CNTN4: variants seen among roughly 807,000 people sequenced by gnomAD.
CNTN4 encodes the protein contactin-4.
A neutral mutation model predicts 122.5 loss-of-function variants in CNTN4; 77 were observed. The observed-to-expected ratio is 0.63, with a 90% CI of 0.52 to 0.76. The LOEUF is 0.76. CNTN4 is among the 30% of genes least tolerant of loss of function. CNTN4 has a pLI of 0.00. For synonymous variants in CNTN4, 512 were observed against 447.0 expected (o/e 1.15, Z -1.83); for missense variants, 1,256 against 1,259.1 (o/e 1.00, Z 0.04).
intron 2 of CNTN4, among the ~76,000 whole-genome samples, chr3:2,183,473 T>G (rs533861561): frequency 6.6e-6 from 1 of 152,300 alleles, no homozygotes; most frequent in Admixed American, 6.5e-5. Flanking sequence ...TTGGGGCTCA[T>G]TTTTTGCCCA....
chr3:2,877,318 A>T (rs758445621), intron 8 of CNTN4, among the ~76,000 whole-genome samples: 11 of 152,232 alleles, frequency 7.2e-5, no homozygotes, highest in South Asian at 2.1e-4. Context: ...TATTAATACA[A>T]CTAAGCCCCT....
intron 3 of CNTN4, among the ~76,000 whole-genome samples, chr3:2,498,194 A>G (rs2076503012): frequency 6.6e-6 from 1 of 152,196 alleles, no homozygotes; most frequent in Non-Finnish European, 1.5e-5. Context: ...GAGTATGAAT[A>G]TATATGGATT....
chr3:2,707,500 G>A (rs1443791024), intron 4 of CNTN4, among the ~76,000 whole-genome samples: 2 of 152,156 alleles, frequency 1.3e-5, no homozygotes, highest in Non-Finnish European at 2.9e-5. Context: ...AGAGCCAGGT[G>A]TACATCTGCT....
At chr3:2,276,285 G>T (rs1287475749) in intron 2 of CNTN4, among the ~76,000 whole-genome samples, 1 of 151,892 alleles carries the variant, frequency 6.6e-6, no homozygotes, top group Non-Finnish European at 1.5e-5. Context: ...TGATTCTCCT[G>T]CCTCAGCCTC....
At chr3:2,782,378 T>C (rs1187875961) in intron 6 of CNTN4, among the ~76,000 whole-genome samples, 1 of 151,940 alleles carries the variant, frequency 6.6e-6, no homozygotes, top group Non-Finnish European at 1.5e-5. Flanking sequence ...CCTTCCATGA[T>C]TGCATCTTTT....
chr3:2,241,002 A>T (rs1055880407), intron 2 of CNTN4, among the ~76,000 whole-genome samples: 1 of 152,188 alleles, frequency 6.6e-6, no homozygotes, highest in Non-Finnish European at 1.5e-5. Flanking sequence ...ATTAGTAAAA[A>T]TATATTTTTA....
At chr3:2,408,337 G>A (rs2047110882) in intron 3 of CNTN4, among the ~76,000 whole-genome samples, 2 of 152,078 alleles carry the variant, frequency 1.3e-5, no homozygotes, top group South Asian at 2.1e-4. Context: ...CCTGTCTGCC[G>A]CCTTCAACCA....
At chr3:2,795,587 C>A (rs1197348540) in intron 6 of CNTN4, among the ~76,000 whole-genome samples, 1 of 148,860 alleles carries the variant, frequency 6.7e-6, no homozygotes, top group Non-Finnish European at 1.5e-5. Flanking sequence ...GTGGTGCCAT[C>A]TCGGCTCAGT....
At chr3:2,315,370 C>A (rs1203185496) in intron 2 of CNTN4, among the ~76,000 whole-genome samples, 1 of 151,996 alleles carries the variant, frequency 6.6e-6, no homozygotes, top group African/African-American at 2.4e-5. Context: ...AACATGTATT[C>A]ATCAGTTTCC....
intron 4 of CNTN4, among the ~76,000 whole-genome samples, chr3:2,683,293 C>A (rs939363017): frequency 6.6e-6 from 1 of 151,414 alleles, no homozygotes; most frequent in African/African-American, 2.4e-5. Flanking sequence ...TTGATAGACC[C>A]TGCCCAAATC....
chr3:2,138,181 C>T (rs1193404641), intron 2 of CNTN4, among the ~76,000 whole-genome samples: 2 of 151,986 alleles, frequency 1.3e-5, no homozygotes, highest in East Asian at 3.9e-4. Context: ...ATTCTCCTGC[C>T]TCAGCTCCCT....
intron 2 of CNTN4, among the ~76,000 whole-genome samples, chr3:2,109,542 T>G (rs2032779644): frequency 1.3e-5 from 2 of 152,196 alleles, no homozygotes; most frequent in African/African-American, 4.8e-5. Context: ...CCTTTCAGTT[T>G]TGTCATGGAA....
chr3:2,714,408 G>A (rs1426963205), intron 4 of CNTN4, among the ~76,000 whole-genome samples: 1 of 151,894 alleles, frequency 6.6e-6, no homozygotes, highest in Non-Finnish European at 1.5e-5. Context: ...CTTTATATAA[G>A]CAAGAGCAAG....
At chr3:2,264,346 C>A (rs912333041) in intron 2 of CNTN4, among the ~76,000 whole-genome samples, 1 of 151,954 alleles carries the variant, frequency 6.6e-6, no homozygotes, top group Non-Finnish European at 1.5e-5. Context: ...GTGTTTTTTA[C>A]TTGTACTTTT....
At chr3:2,113,695 G>A (rs1376882053) in intron 2 of CNTN4, among the ~76,000 whole-genome samples, 1 of 152,114 alleles carries the variant, frequency 6.6e-6, no homozygotes, top group African/African-American at 2.4e-5. Context: ...AGTTTAAGGC[G>A]CAGATACACA....
chr3:3,047,368 T>A (rs565811713), intron 23 of CNTN4, among the ~76,000 whole-genome samples: 1 of 152,202 alleles, frequency 6.6e-6, no homozygotes, highest in Non-Finnish European at 1.5e-5. Flanking sequence ...ATTGACCTCA[T>A]AGGTGGAAGT....
intron 4 of CNTN4, among the ~76,000 whole-genome samples, chr3:2,664,263 C>G (rs1293682696): frequency 1.3e-5 from 2 of 152,134 alleles, no homozygotes; most frequent in Non-Finnish European, 2.9e-5. Flanking sequence ...GTCTTCTAAG[C>G]CAGCTTCTGG....
At chr3:2,922,065 G>A (rs1204232964) in intron 12 of CNTN4, among the ~76,000 whole-genome samples, 1 of 152,142 alleles carries the variant, frequency 6.6e-6, no homozygotes, top group Non-Finnish European at 1.5e-5. Flanking sequence ...CTCTAGCAGT[G>A]CATGTGAGAA....
chr3:2,773,191 G>A (rs1212165958), intron 6 of CNTN4, among the ~76,000 whole-genome samples: 1 of 151,938 alleles, frequency 6.6e-6, no homozygotes, highest in Non-Finnish European at 1.5e-5. Context: ...ACCTGAAGAA[G>A]GAAAGAGAAA....
Sources: allele counts gnomAD v4.1 joint callset (sites outside exome capture counted in the v4.1 genomes callset), GRCh38; gene constraint gnomAD v4.1.1; transcripts MANE v1.5; gene names NCBI Gene and HGNC (gene_info 2026-07-23, HGNC 2026-07-21).